STAU2: variants seen among roughly 807,000 people sequenced by gnomAD.
STAU2 encodes the protein double-stranded RNA-binding protein Staufen homolog 2.
STAU2 carries 20 observed loss-of-function variants against 65.9 expected under a neutral mutation model. The observed-to-expected ratio is 0.30, with a 90% CI of 0.21 to 0.44. STAU2 has a LOEUF of 0.44. Among genes scored for constraint, STAU2 ranks in the 20% least tolerant of loss-of-function variants. The pLI is 1.00. For synonymous variants in STAU2, 232 were observed against 233.9 expected, an observed-to-expected ratio of 0.99 and a Z score of 0.07; for missense variants, 558 against 683.9, an observed-to-expected ratio of 0.82 and a Z score of 2.05.
chr8:73,707,458 C>T (rs1820590521), intron 4 of STAU2, among the ~76,000 whole-genome samples: 1 of 152,108 alleles, frequency 6.6e-6, no homozygotes, highest in Non-Finnish European at 1.5e-5. Flanking sequence ...GTTAAAGAAA[C>T]TAAAAGGTCA....
chr8:73,430,344 C>A (rs1355548770), intron 13 of STAU2, among the ~76,000 whole-genome samples: 1 of 152,178 alleles, frequency 6.6e-6, no homozygotes, highest in Non-Finnish European at 1.5e-5. Context: ...ACAGAGTGGG[C>A]AGGGCCTGCC....
intron 4 of STAU2, among the ~76,000 whole-genome samples, chr8:73,689,335 A>G (rs1586278304): frequency 6.6e-6 from 1 of 152,196 alleles, no homozygotes; most frequent in African/African-American, 2.4e-5. Flanking sequence ...CCATTTTAAC[A>G]TCATAAATAT....
chr8:73,510,289 C>T (rs113207478), intron 13 of STAU2, among the ~76,000 whole-genome samples: 2,564 of 152,094 alleles, frequency 0.017, 79 homozygotes, highest in African/African-American at 0.059. Context: ...AGGCTGGTCT[C>T]GAACTCCCAA....
intron 5 of STAU2, among the ~76,000 whole-genome samples, chr8:73,678,428 T>G (rs535047768): frequency 6.6e-6 from 1 of 152,190 alleles, no homozygotes. Context: ...CCTCATAGTA[T>G]TCCCTCTGGC....
intron 6 of STAU2, among the ~76,000 whole-genome samples, chr8:73,619,562 A>G (rs1301289404): frequency 1.3e-5 from 2 of 152,240 alleles, no homozygotes; most frequent in Non-Finnish European, 2.9e-5. Flanking sequence ...AGATGGGACT[A>G]ATCAATGAAG....
At chr8:73,703,484 G>C (rs764959755) in intron 4 of STAU2, among the ~76,000 whole-genome samples, 1 of 152,142 alleles carries the variant, frequency 6.6e-6, no homozygotes, top group Non-Finnish European at 1.5e-5. Context: ...CTAATACAAT[G>C]TCTATATGAA....
At chr8:73,746,146 C>G (rs1807257438) in intron 1 of STAU2, among the ~76,000 whole-genome samples, 1 of 152,150 alleles carries the variant, frequency 6.6e-6, no homozygotes, top group East Asian at 1.9e-4. Context: ...ATTTTGTCCC[C>G]TCGGCCCCAC....
At chr8:73,721,334 TAC>T (rs373339764) in intron 3 of STAU2, among the ~76,000 whole-genome samples, 45 of 78,236 alleles carry the variant, frequency 5.8e-4, no homozygotes, top group African/African-American at 2.3e-3. Flanking sequence ...TGGCCCAAAA[TAC>T]AGTTTATCGT....
At chr8:73,575,460 C>G (rs1348840556) in intron 12 of STAU2, among the ~76,000 whole-genome samples, 1 of 152,118 alleles carries the variant, frequency 6.6e-6, no homozygotes, top group Non-Finnish European at 1.5e-5. Flanking sequence ...GATACATACT[C>G]TGTAATGGAG....
intron 13 of STAU2, among the ~76,000 whole-genome samples, chr8:73,425,010 C>A (rs1417849553): frequency 6.6e-6 from 1 of 152,106 alleles, no homozygotes; most frequent in Non-Finnish European, 1.5e-5. Flanking sequence ...CTGATCCTGG[C>A]CCATGCTCAT....
intron 11 of STAU2, among the ~76,000 whole-genome samples, chr8:73,588,118 A>G (rs549106904): frequency 1.3e-5 from 2 of 152,326 alleles, no homozygotes; most frequent in African/African-American, 4.8e-5. Flanking sequence ...ATCTGGAAAC[A>G]TAACAATGAC....
intron 13 of STAU2, among the ~76,000 whole-genome samples, chr8:73,465,188 TC>T (rs1431364142): frequency 1.3e-5 from 2 of 152,186 alleles, no homozygotes; most frequent in African/African-American, 2.4e-5. Context: ...CCCCTCAATT[TC>T]CCGGCCACGG....
At chr8:73,569,243 T>A (rs539246520) in intron 12 of STAU2, among the ~76,000 whole-genome samples, 1 of 152,058 alleles carries the variant, frequency 6.6e-6, no homozygotes, top group East Asian at 1.9e-4. Flanking sequence ...GACTGCAAAG[T>A]GGCAGTGAGG....
intron 9 of STAU2, among the ~76,000 whole-genome samples, chr8:73,609,100 G>C (rs1812249687): frequency 6.6e-6 from 1 of 152,084 alleles, no homozygotes; most frequent in Non-Finnish European, 1.5e-5. Flanking sequence ...GATGAATTTG[G>C]GCCCAAAACT....
At chr8:73,638,412 T>TA (rs1292220111) in intron 6 of STAU2, among the ~76,000 whole-genome samples, 1 of 151,790 alleles carries the variant, frequency 6.6e-6, no homozygotes, top group African/African-American at 2.4e-5. Flanking sequence ...TACACCATAT[T>TA]AAAAAACACT....
chr8:73,533,337 TTAA>T (rs1805950096), intron 13 of STAU2, among the ~76,000 whole-genome samples: 1 of 152,196 alleles, frequency 6.6e-6, no homozygotes, highest in Admixed American at 6.5e-5. Context: ...AATATATCAA[TTAA>T]ATAAGACGGC....
chr8:73,439,454 T>A (rs1817964745), intron 13 of STAU2, among the ~76,000 whole-genome samples: 1 of 152,116 alleles, frequency 6.6e-6, no homozygotes, highest in Non-Finnish European at 1.5e-5. Context: ...CCATCTCTAC[T>A]GAAAAATACA....
chr8:73,585,801 T>C (rs1157704441), intron 11 of STAU2, among the ~76,000 whole-genome samples: 2 of 152,182 alleles, frequency 1.3e-5, no homozygotes, highest in Non-Finnish European at 2.9e-5. Flanking sequence ...TCACCTTTAA[T>C]TGTAATAATC....
chr8:73,654,658 AAAAG>A, intron 6 of STAU2, among the ~76,000 whole-genome samples: 1 of 141,914 alleles, frequency 7.0e-6, no homozygotes, highest in African/African-American at 2.5e-5. Context: ...AAAAAAAAAA[AAAAG>A]AACTCTTTTA....
Sources: allele counts gnomAD v4.1 joint callset (sites outside exome capture counted in the v4.1 genomes callset), GRCh38; gene constraint gnomAD v4.1.1; transcripts MANE v1.5; gene names NCBI Gene and HGNC (gene_info 2026-07-23, HGNC 2026-07-21).